ZFP64: variants seen among roughly 807,000 people sequenced by gnomAD.
The protein encoded by ZFP64 is ZFP64 zinc finger protein, also known as zinc finger protein 64.
In ZFP64, 14 loss-of-function variants were observed where a neutral mutation model predicts 51.6. The observed-to-expected ratio is 0.27, with a 90% confidence interval of 0.18 to 0.42. The LOEUF (loss-of-function observed/expected upper bound fraction) is 0.42, where lower values mean the gene tolerates loss of function less well. Among genes scored for constraint, ZFP64 ranks in the 10% least tolerant of loss-of-function variants. ZFP64 has a pLI of 1.00. For missense variants in ZFP64, 754 were observed against 906.8 expected (o/e 0.83, Z 2.16); for synonymous variants, 375 against 361.4 (o/e 1.04, Z -0.43).
intron 5 of ZFP64, among the ~76,000 whole-genome samples, chr20:52,131,961 T>C (rs1193242965): frequency 6.6e-6 from 1 of 152,098 alleles, no homozygotes; most frequent in East Asian, 1.9e-4. Context: ...GTATAGACCA[T>C]ATGTTAGGTC....
At chr20:52,104,295 G>T (rs565594181) in intron 5 of ZFP64, among the ~76,000 whole-genome samples, 1 of 152,178 alleles carries the variant, frequency 6.6e-6, no homozygotes, top group Non-Finnish European at 1.5e-5. Context: ...AGCGAGAAAA[G>T]GTCCCCTCCC....
intron 5 of ZFP64, chr20:52,110,834 G>T: frequency 3.1e-6 from 5 of 1,603,626 alleles, no homozygotes; most frequent in Non-Finnish European, 4.3e-6. Context: ...TCCATGTTCA[G>T]CTTGTCACCA....
chr20:52,119,430 A>T (rs1412814770), intron 5 of ZFP64, among the ~76,000 whole-genome samples: 1 of 151,422 alleles, frequency 6.6e-6, no homozygotes, highest in Non-Finnish European at 1.5e-5. Flanking sequence ...AGGCTGAGGC[A>T]GGAGAATCGC....
At chr20:52,171,118 T>A (rs1339314779) in intron 2 of ZFP64, among the ~76,000 whole-genome samples, 4 of 152,234 alleles carry the variant, frequency 2.6e-5, no homozygotes, top group Non-Finnish European at 5.9e-5. Context: ...CTGAAGACTC[T>A]CATCCAGATG....
chr20:52,087,688 CT>C (rs1047430924), intron 8 of ZFP64, among the ~76,000 whole-genome samples: 2 of 152,202 alleles, frequency 1.3e-5, no homozygotes, highest in African/African-American at 4.8e-5. Flanking sequence ...TTTGCCAGGC[CT>C]TGGCTAGTCC....
intron 5 of ZFP64, among the ~76,000 whole-genome samples, chr20:52,136,096 C>CAAAAAA (rs71192597): frequency 2.6e-5 from 1 of 38,034 alleles, no homozygotes; most frequent in Non-Finnish European, 4.4e-5. Flanking sequence ...GAGACTCTCT[C>CAAAAAA]AAAAAAAAAA....
chr20:52,158,274 C>T (rs1212062578), intron 5 of ZFP64, among the ~76,000 whole-genome samples: 1 of 152,150 alleles, frequency 6.6e-6, no homozygotes, highest in Admixed American at 6.5e-5. Flanking sequence ...GAAACCATAT[C>T]CAGACCCAAG....
At chr20:52,107,107 T>C (rs139979421) in intron 5 of ZFP64, among the ~76,000 whole-genome samples, 1,734 of 85,906 alleles carry the variant, frequency 0.02, 28 homozygotes, top group African/African-American at 0.072. Context: ...AAAATATATA[T>C]GTATATATAC....
chr20:52,142,379 C>CACACACACACAG (rs1237940863), intron 5 of ZFP64, among the ~76,000 whole-genome samples: 8 of 74,864 alleles, frequency 1.1e-4, no homozygotes, highest in Admixed American at 6.7e-4. Flanking sequence ...CACACACAGA[C>CACACACACACAG]ACACACACAC....
chr20:52,084,737 G>A (rs757844138), exon 9 of ZFP64: 5 of 1,614,228 alleles, frequency 3.1e-6, no homozygotes, highest in South Asian at 1.1e-5. Flanking sequence ...CGAAGGAGGC[G>A]CCGCAGGTCT....
chr20:52,087,973 T>TATC (rs397774326), intron 8 of ZFP64, among the ~76,000 whole-genome samples: 4 of 152,030 alleles, frequency 2.6e-5, no homozygotes, highest in Admixed American at 2.6e-4. Context: ...GTCCTATCAT[T>TATC]TCAGTAGGGT....
chr20:52,109,725 G>A (rs1163849294), intron 5 of ZFP64, among the ~76,000 whole-genome samples: 3 of 146,232 alleles, frequency 2.1e-5, no homozygotes, highest in Non-Finnish European at 3.0e-5. Context: ...AGGTTGCAGT[G>A]AGCTGAGATC....
chr20:52,185,580 T>G (rs1258289600), intron 2 of ZFP64, among the ~76,000 whole-genome samples: 1 of 21,724 alleles, frequency 4.6e-5, no homozygotes, highest in East Asian at 8.5e-4. Context: ...CACTTTGCAC[T>G]TTTTTTTTTT....
At chr20:52,138,361 C>T (rs1980084777) in intron 5 of ZFP64, among the ~76,000 whole-genome samples, 2 of 151,586 alleles carry the variant, frequency 1.3e-5, no homozygotes, top group South Asian at 2.1e-4. Flanking sequence ...TGAATAATAG[C>T]ACATATATAT....
intron 1 of ZFP64, among the ~76,000 whole-genome samples, chr20:52,188,124 C>A (rs1984103914): frequency 6.6e-6 from 1 of 152,006 alleles, no homozygotes; most frequent in Non-Finnish European, 1.5e-5. Context: ...CTTCTGCAGC[C>A]ATCTTGTAAC....
chr20:52,127,287 A>T (rs960371027), intron 5 of ZFP64, among the ~76,000 whole-genome samples: 2 of 150,852 alleles, frequency 1.3e-5, no homozygotes, highest in Non-Finnish European at 3.0e-5. Flanking sequence ...ACGGTTAGAA[A>T]TTTTTTCTTT....
At chr20:52,166,170 T>TTCTAGC (rs1982252832) in intron 2 of ZFP64, 145 bp from the exon 3 acceptor site, 1 of 767,404 alleles carries the variant, frequency 1.3e-6, no homozygotes, top group Admixed American at 3.3e-5. Flanking sequence ...TGTGACCCAG[T>TTCTAGC]TCTAGCTAAT....
intron 5 of ZFP64, among the ~76,000 whole-genome samples, chr20:52,145,491 A>G (rs976694972): frequency 2.0e-5 from 3 of 152,010 alleles, no homozygotes; most frequent in Non-Finnish European, 4.4e-5. Context: ...CATCTCTACA[A>G]AAAATATGTG....
At chr20:52,092,990 T>C (rs1408718412) in intron 7 of ZFP64, among the ~76,000 whole-genome samples, 1 of 152,192 alleles carries the variant, frequency 6.6e-6, no homozygotes, top group Non-Finnish European at 1.5e-5. Flanking sequence ...TGCTTCCCTG[T>C]CCCAATAGCC....
Sources: gnomAD v4.1 joint callset for allele counts (sites outside exome capture counted in the v4.1 genomes callset) on GRCh38, gnomAD v4.1.1 for gene constraint, MANE v1.5 for transcripts, NCBI Gene and HGNC (gene_info 2026-07-23, HGNC 2026-07-21) for gene names.